The following LIX1 variants were observed in gnomAD, a reference collection of about 807,000 sequenced individuals.
The protein encoded by LIX1 is protein limb expression 1 homolog.
LIX1 carries 24 observed loss-of-function variants against 33.4 expected under a neutral mutation model. The observed-to-expected ratio is 0.72, with a 90% CI of 0.52 to 1.01. The LOEUF is 1.01. Ranked by LOEUF, LIX1 falls within the 50% of genes least tolerant of loss-of-function variation. LIX1 has a pLI of 0.00. For missense variants in LIX1, 311 were observed against 339.2 expected (o/e 0.92, Z 0.65); for synonymous variants, 124 against 124.0 (o/e 1.00, Z 0.00).
chr5:97,119,917 AC>A (rs1365513409), intron 2 of LIX1, among the ~76,000 whole-genome samples: 1 of 152,140 alleles, frequency 6.6e-6, no homozygotes, highest in African/African-American at 2.4e-5. Flanking sequence ...AGATCCATTC[AC>A]CAATCTGTCA....
intron 2 of LIX1, among the ~76,000 whole-genome samples, chr5:97,114,929 A>G (rs556848023): frequency 6.6e-6 from 1 of 152,310 alleles, no homozygotes; most frequent in East Asian, 1.9e-4. Flanking sequence ...AGAAATGCTG[A>G]TTTCTCATTA....
intron 2 of LIX1, among the ~76,000 whole-genome samples, chr5:97,120,279 G>A (rs1338119019): frequency 2.0e-5 from 3 of 152,054 alleles, no homozygotes; most frequent in Non-Finnish European, 4.4e-5. Context: ...TTTATTCTTT[G>A]GATTTGTTAT....
At chr5:97,142,192 C>A (rs1348513294) in intron 1 of LIX1, among the ~76,000 whole-genome samples, 3 of 152,176 alleles carry the variant, frequency 2.0e-5, no homozygotes, top group African/African-American at 7.2e-5. Flanking sequence ...CAACACCAGT[C>A]AGCTTTGCTT....
chr5:97,127,932 T>C (rs1747970219), intron 1 of LIX1, among the ~76,000 whole-genome samples: 1 of 152,222 alleles, frequency 6.6e-6, no homozygotes, highest in South Asian at 2.1e-4. Context: ...TTTCCTGGAA[T>C]TGTTCTCTTA....
intron 2 of LIX1, among the ~76,000 whole-genome samples, chr5:97,115,603 A>G (rs918554073): frequency 2.6e-5 from 4 of 152,206 alleles, no homozygotes; most frequent in Non-Finnish European, 5.9e-5. Flanking sequence ...TAAACAACAG[A>G]CTTTCTACAG....
chr5:97,095,065 T>G (rs1490140586), intron 5 of LIX1, 30 bp from the exon 6 acceptor site: 1 of 1,601,708 alleles, frequency 6.2e-7, no homozygotes, highest in Non-Finnish European at 8.5e-7. Context: ...GTCCAGGGTG[T>G]CAATAAAAAG....
At chr5:97,132,935 C>T (rs1748089049) in intron 1 of LIX1, among the ~76,000 whole-genome samples, 1 of 152,164 alleles carries the variant, frequency 6.6e-6, no homozygotes, top group African/African-American at 2.4e-5. Context: ...CAGAGAAGGA[C>T]ATCAGTAATT....
Position 97,107,489 on chromosome 5 carries a change from A to G in LIX1, c.258T>C (p.Ser86=). Residue 86 remains serine, a synonymous_variant, in exon 3 of 6, where the codon AGT becomes AGC. Transcript: ENST00000274382. ...SCFGNFQCCL[S]RAEARRDAAK... is the part of the protein sequence containing the mutation. ...CTGCATCCCGCCTGGCCTCGGCTCT[A>G]CTTAAGCAGCACTTGAGAAGGGAGG... The G allele has an allele frequency of 6.2e-7, 1 of 1,614,102 alleles. No individual in the cohort carries two copies. Among genetic ancestry groups the G allele is most frequent in the Non-Finnish European group, 8.5e-7 (1 of 1,180,004 alleles).
In LIX1 at chr5:97,105,211, C is replaced by T. The variant is rs771265206; in HGVS notation, c.462G>A (p.Gly154=). The part of the protein sequence containing the change: ...AYHYMLESNM[G]KTMLEFQELM... The stretch of plus-strand genomic sequence containing the variant: ...GTACCTGAAACTCCAGCATAGTCTT[C>T]CCCATGTTTGACTCCAGCATGTAGT... The change falls in exon 4 of 6, where the codon GGG becomes GGA. Residue 154 remains glycine, a synonymous_variant. Coordinates refer to ENST00000274382, the MANE Select transcript of LIX1 (RefSeq NM_153234.5). The T allele has an allele frequency of 1.9e-6, 3 of 1,614,056 alleles. No individual in the cohort carries two copies. Among genetic ancestry groups the T allele is most frequent in the East Asian group, 2.2e-5 (1 of 44,876 alleles).
chr5:97,121,475 C>T (rs1367188977), intron 2 of LIX1, among the ~76,000 whole-genome samples: 3 of 152,078 alleles, frequency 2.0e-5, no homozygotes, highest in Non-Finnish European at 4.4e-5. Flanking sequence ...TGTCTTTTTG[C>T]TCTAAGTTCT....
chr5:97,106,177 G>T (rs1008262508), intron 3 of LIX1, among the ~76,000 whole-genome samples: 1 of 152,112 alleles, frequency 6.6e-6, no homozygotes, highest in South Asian at 2.1e-4. Flanking sequence ...TACACTGAGG[G>T]CCCTTCCCTG....
intron 2 of LIX1, among the ~76,000 whole-genome samples, chr5:97,118,365 AATAAG>A (rs149587684): frequency 0.034 from 5,241 of 152,294 alleles, 136 homozygotes; most frequent in South Asian, 0.09. Flanking sequence ...CAAAATATAA[AATAAG>A]ATAAAATACT....
intron 2 of LIX1, among the ~76,000 whole-genome samples, chr5:97,113,753 G>T (rs1351529183): frequency 1.3e-5 from 2 of 152,176 alleles, no homozygotes; most frequent in African/African-American, 4.8e-5. Context: ...TTTGCCTAAG[G>T]TCACATAGCA....
chr5:97,112,550 A>T (rs994669932), intron 2 of LIX1, among the ~76,000 whole-genome samples: 3 of 152,154 alleles, frequency 2.0e-5, no homozygotes, highest in African/African-American at 7.2e-5. Flanking sequence ...AACCATTCTT[A>T]CTTGTTAATA....
chr5:97,127,602 T>C (rs1402062279), intron 1 of LIX1, among the ~76,000 whole-genome samples: 1 of 152,188 alleles, frequency 6.6e-6, no homozygotes, highest in African/African-American at 2.4e-5. Flanking sequence ...CAGAAAATGC[T>C]CTATTTATGA....
chr5:97,132,993 GTA>G (rs1272261431), intron 1 of LIX1, among the ~76,000 whole-genome samples: 1 of 152,194 alleles, frequency 6.6e-6, no homozygotes, highest in African/African-American at 2.4e-5. Flanking sequence ...TATCATTTGT[GTA>G]TATATACATA....
At chr5:97,103,761 G>T (rs181747566) in intron 4 of LIX1, among the ~76,000 whole-genome samples, 5,581 of 152,104 alleles carry the variant, frequency 0.037, 149 homozygotes, top group Middle Eastern at 0.068. Context: ...GTCAGGAGAT[G>T]GAGACCATCC....
intron 2 of LIX1, among the ~76,000 whole-genome samples, chr5:97,111,326 T>A (rs1225541550): frequency 6.6e-6 from 1 of 152,232 alleles, no homozygotes; most frequent in Non-Finnish European, 1.5e-5. Flanking sequence ...GATATATACT[T>A]TTTATTTTTT....
At chr5:97,126,701 A>T (rs1475966243) in intron 1 of LIX1, among the ~76,000 whole-genome samples, 1 of 140,460 alleles carries the variant, frequency 7.1e-6, no homozygotes, top group East Asian at 2.1e-4. Flanking sequence ...GTGCAGTGGC[A>T]CGATCTCGGC....
Sources: allele counts gnomAD v4.1 joint callset (sites outside exome capture counted in the v4.1 genomes callset), GRCh38; gene constraint gnomAD v4.1.1; transcripts MANE v1.5; gene names NCBI Gene and HGNC (gene_info 2026-07-23, HGNC 2026-07-21).